The following DOCK2 variants were observed in gnomAD, a reference collection of about 807,000 sequenced individuals.
The protein encoded by DOCK2 is dedicator of cytokinesis protein 2.
A neutral mutation model predicts 248.9 loss-of-function variants in DOCK2; 87 were observed. The ratio of observed to expected loss-of-function variants is 0.35; its 90% CI spans 0.29 to 0.42. The LOEUF (loss-of-function observed/expected upper bound fraction) is 0.42. Ranked by LOEUF, DOCK2 falls within the 10% of genes least tolerant of loss-of-function variation. The pLI, the probability that DOCK2 is intolerant of heterozygous loss-of-function variation, is 1.00. For synonymous variants in DOCK2, 805 were observed against 821.6 expected, an observed-to-expected ratio of 0.98 and a Z score of 0.35; for missense variants, 1,747 against 2,300.2, an observed-to-expected ratio of 0.76 and a Z score of 4.92.
chr5:169,641,676 C>T (rs1327728647), intron 1 of DOCK2, among the ~76,000 whole-genome samples: 2 of 152,194 alleles, frequency 1.3e-5, no homozygotes, highest in Non-Finnish European at 2.9e-5. Flanking sequence ...TCTGCCTCTC[C>T]TCTCATGGCT....
chr5:169,801,165 T>G (rs1457151332), intron 25 of DOCK2, among the ~76,000 whole-genome samples: 4 of 132,158 alleles, frequency 3.0e-5, no homozygotes, highest in Admixed American at 7.9e-5. Context: ...TTTTTTTTTT[T>G]TTTTTTTTTT....
intron 30 of DOCK2, chr5:170,000,355 C>T (rs1366174398): frequency 6.6e-6 from 1 of 152,196 alleles, no homozygotes; most frequent in Non-Finnish European, 1.5e-5. Flanking sequence ...ACCCATTTCC[C>T]TGGTGAATAA....
rs554919872 is a variant in DOCK2 at position 170,038,249 on chromosome 5, C to T, written c.3665+1694C>T. Among the ~76,000 whole-genome samples, 5 of 152,296 alleles carry T rather than the reference C, an allele frequency of 3.3e-5. No individual in the cohort carries two copies. In the South Asian group the frequency reaches 1.0e-3, roughly 32 times the overall value. On this transcript the variant is annotated intron_variant, in intron 36 of 51. Transcript: ENST00000520908. ...AGTACTATAGGTAATATGGCTGCCA[C>T]ATGGTTTCCTCCCTCCAACCTTGTT...
intron 35 of DOCK2, among the ~76,000 whole-genome samples, chr5:170,035,768 G>A (rs892600996): frequency 1.3e-5 from 2 of 152,174 alleles, no homozygotes; most frequent in Non-Finnish European, 1.5e-5. Context: ...CATTGACTGT[G>A]TGCTCTGGAA....
chr5:169,871,973 T>C (rs1244958599), intron 27 of DOCK2, among the ~76,000 whole-genome samples: 1 of 152,184 alleles, frequency 6.6e-6, no homozygotes, highest in Non-Finnish European at 1.5e-5. Flanking sequence ...TGCTGATGTC[T>C]CCAGTGAGCC....
chr5:169,700,883 G>GGA lies in DOCK2; in HGVS notation c.1258+761_1258+762dup, dbSNP rs372793221. ...GAGAGAGGGCGGCGGGCGGGGGCAG[G>GGA]GAGAGAGAGAGAGAGAGAAAGAAAG... On this transcript the variant is annotated intron_variant, in intron 13 of 51. Transcript: ENST00000520908. 8.7e-4 allele frequency among the ~76,000 whole-genome samples: 129 copies of GGA among 148,718 alleles called. No individual in the cohort carries two copies. The Middle Eastern group carries it at 0.017, about 20-fold the overall frequency.
intron 27 of DOCK2, among the ~76,000 whole-genome samples, chr5:169,973,936 T>C (rs1777617132): frequency 6.6e-6 from 1 of 152,224 alleles, no homozygotes. Flanking sequence ...CTCTTCTATA[T>C]AGGCACAAGA....
chr5:169,880,917 G>T (rs948367904), intron 27 of DOCK2, among the ~76,000 whole-genome samples: 1 of 152,174 alleles, frequency 6.6e-6, no homozygotes, highest in Non-Finnish European at 1.5e-5. Context: ...TCTTGACTGT[G>T]CCAAGTAAGG....
chr5:170,056,987 A>T (rs1277968030), intron 43 of DOCK2: 1 of 515,394 alleles, frequency 1.9e-6, no homozygotes, highest in Admixed American at 3.5e-5. Flanking sequence ...CCCAGGCCTC[A>T]TGTCAGAGGC....
At chr5:169,915,193 C>G (rs1029500414) in intron 27 of DOCK2, among the ~76,000 whole-genome samples, 2 of 152,040 alleles carry the variant, frequency 1.3e-5, no homozygotes, top group African/African-American at 4.8e-5. Context: ...GGAAGCCAAA[C>G]AAATCAGAAA....
intron 44 of DOCK2, among the ~76,000 whole-genome samples, chr5:170,064,964 A>G (rs1290234496): frequency 6.6e-6 from 1 of 152,182 alleles, no homozygotes; most frequent in Non-Finnish European, 1.5e-5. Flanking sequence ...TGTCAAATCC[A>G]AAACATGCTA....
chr5:169,713,986 A>C, intron 17 of DOCK2, 42 bp from the exon 18 acceptor site: 1 of 1,548,208 alleles, frequency 6.5e-7, no homozygotes, highest in Non-Finnish European at 8.7e-7. Flanking sequence ...GGCATTGGGC[A>C]TGGAGCCTTG....
At chr5:169,652,220 C>T (rs1581386035) in intron 1 of DOCK2, among the ~76,000 whole-genome samples, 1 of 152,206 alleles carries the variant, frequency 6.6e-6, no homozygotes, top group East Asian at 1.9e-4. Flanking sequence ...GGGCACAGTG[C>T]CAGGGCAGGG....
Position 169,985,811 on chromosome 5 carries a change from G to A in DOCK2, c.2899-17G>A. ...TGTAAAACAGGATGACATGTGTGCT[G>A]TGCTTCATTGTTTCAGGACTTCTTG... On this transcript the variant is annotated splice_polypyrimidine_tract_variant and intron_variant, in intron 28 of 51. Coordinates refer to ENST00000520908, the MANE Select transcript of DOCK2 (RefSeq NM_004946.3). The A allele has an allele frequency of 6.3e-7, 1 of 1,598,430 alleles. No individual in the cohort carries two copies. The highest frequency in any genetic ancestry group is 8.5e-7 in the Non-Finnish European group (1 of 1,170,622).
chr5:169,860,543 T>C (rs1581303854), intron 27 of DOCK2, among the ~76,000 whole-genome samples: 1 of 152,140 alleles, frequency 6.6e-6, no homozygotes, highest in African/African-American at 2.4e-5. Context: ...GATAGCAGAC[T>C]GCTGTCAAAC....
chr5:170,081,482 T>G, intron 50 of DOCK2: 1 of 221,030 alleles, frequency 4.5e-6, no homozygotes, highest in Non-Finnish European at 8.9e-6. Context: ...TCTCCTGCAA[T>G]GGGGAGAGAA....
intron 23 of DOCK2, among the ~76,000 whole-genome samples, chr5:169,751,670 G>A (rs1338695695): frequency 6.6e-6 from 1 of 152,222 alleles, no homozygotes; most frequent in African/African-American, 2.4e-5. Flanking sequence ...CCCAGCTTTT[G>A]TGAGTTGCTT....
chr5:169,738,028 T>A (rs1561650840), intron 22 of DOCK2, among the ~76,000 whole-genome samples: 1 of 152,144 alleles, frequency 6.6e-6, no homozygotes, highest in Admixed American at 6.5e-5. Flanking sequence ...CCCAATAGGA[T>A]CTGACTCTCT....
At chr5:169,645,234 T>C (rs1032083856) in intron 1 of DOCK2, among the ~76,000 whole-genome samples, 9 of 152,180 alleles carry the variant, frequency 5.9e-5, no homozygotes, top group Non-Finnish European at 1.0e-4. Flanking sequence ...ATAGTTGAAC[T>C]AATTTACATT....
Sources: gnomAD v4.1 joint callset for allele counts (sites outside exome capture counted in the v4.1 genomes callset) on GRCh38, gnomAD v4.1.1 for gene constraint, MANE v1.5 for transcripts, NCBI Gene and HGNC (gene_info 2026-07-23, HGNC 2026-07-21) for gene names.